The following LAMA2 variants were observed in gnomAD, a reference collection of about 807,000 sequenced individuals.
LAMA2 encodes the protein laminin subunit alpha 2.
Under a neutral mutation model 364.8 loss-of-function variants are expected in LAMA2, and 269 were observed. The observed-to-expected ratio is 0.74, with a 90% confidence interval of 0.67 to 0.82. LAMA2 has a LOEUF of 0.82. LAMA2 is among the 40% of genes least tolerant of loss of function. LAMA2 has a pLI of 0.00. For synonymous variants in LAMA2, 1,379 were observed against 1,370.6 expected (o/e 1.01, Z -0.14); for missense variants, 3,807 against 3,873.2 (o/e 0.98, Z 0.45).
At chr6:129,139,053 C>T (rs1415785162) in intron 4 of LAMA2, among the ~76,000 whole-genome samples, 1 of 152,056 alleles carries the variant, frequency 6.6e-6, no homozygotes, top group Non-Finnish European at 1.5e-5. Context: ...CTGGACATTT[C>T]ATTTAGTAAT....
chr6:129,456,117 T>G (rs1476347106), intron 47 of LAMA2, among the ~76,000 whole-genome samples: 1 of 152,148 alleles, frequency 6.6e-6, no homozygotes, highest in Non-Finnish European at 1.5e-5. Flanking sequence ...TGGTTCTGGT[T>G]GAAACTGATG....
chr6:128,993,609 G>T (rs118108588), intron 1 of LAMA2, among the ~76,000 whole-genome samples: 175 of 152,232 alleles, frequency 1.1e-3, no homozygotes, highest in African/African-American at 3.7e-3. Context: ...ATGGTTGACA[G>T]TCGTGGTATA....
At chr6:129,319,691 C>G (rs995924602) in intron 27 of LAMA2, among the ~76,000 whole-genome samples, 3 of 152,138 alleles carry the variant, frequency 2.0e-5, no homozygotes, top group Non-Finnish European at 2.9e-5. Context: ...CCACATATAA[C>G]TTTTGATACC....
At chr6:129,103,787 G>A (rs1775661397) in intron 4 of LAMA2, among the ~76,000 whole-genome samples, 1 of 151,790 alleles carries the variant, frequency 6.6e-6, no homozygotes, top group Non-Finnish European at 1.5e-5. Flanking sequence ...CTATTAATAG[G>A]TAGATTTTTA....
At chr6:128,938,543 G>T (rs1486922687) in intron 1 of LAMA2, among the ~76,000 whole-genome samples, 1 of 152,070 alleles carries the variant, frequency 6.6e-6, no homozygotes, top group African/African-American at 2.4e-5. Flanking sequence ...CTAGCACAAG[G>T]ACCTGAACTT....
intron 1 of LAMA2, among the ~76,000 whole-genome samples, chr6:129,040,722 T>C (rs1213029215): frequency 6.6e-6 from 1 of 152,234 alleles, no homozygotes; most frequent in Non-Finnish European, 1.5e-5. Context: ...AGAAGAAGGC[T>C]ACTTGTCTTT....
chr6:129,271,147 A>AT (rs1386452365), intron 17 of LAMA2, among the ~76,000 whole-genome samples: 7 of 152,186 alleles, frequency 4.6e-5, no homozygotes, highest in East Asian at 3.9e-4. Context: ...CCCATACACT[A>AT]TTTTTTTGTG....
chr6:129,515,838 A>AATT (rs1405917467), intron 64 of LAMA2, among the ~76,000 whole-genome samples: 2 of 152,122 alleles, frequency 1.3e-5, no homozygotes, highest in Non-Finnish European at 2.9e-5. Flanking sequence ...AACACTTTGG[A>AATT]ATTACACTTT....
intron 3 of LAMA2, among the ~76,000 whole-genome samples, chr6:129,067,526 A>T (rs1179241277): frequency 1.3e-5 from 2 of 152,146 alleles, no homozygotes; most frequent in Non-Finnish European, 2.9e-5. Context: ...CAGCAATCTC[A>T]TTAGTACAGA....
intron 3 of LAMA2, among the ~76,000 whole-genome samples, chr6:129,076,492 T>A (rs199916215): frequency 9.9e-4 from 7 of 7,106 alleles, no homozygotes; most frequent in Admixed American, 2.6e-3. Context: ...TCTTATATAT[T>A]ATATATAAAT....
chr6:129,101,553 C>A (rs1330514460), intron 4 of LAMA2, among the ~76,000 whole-genome samples: 1 of 152,136 alleles, frequency 6.6e-6, no homozygotes, highest in African/African-American at 2.4e-5. Context: ...TGCTTCAGAT[C>A]TTCACTGCCC....
At position 128,950,138 on chromosome 6, in the gene LAMA2, T is replaced by C. The variant is rs563960087; in HGVS notation, c.112+66781T>C. Among the ~76,000 whole-genome samples the C allele has an allele frequency of 8.5e-5, 13 of 152,300 alleles. No homozygotes were observed. In the East Asian group the frequency reaches 2.5e-3, roughly 29 times the overall value. ...GTAGCCAGATGCAATGGTTACTGACTTCGAGTGGCATCTTTTTGAAACAGA... is the reference window on the plus strand; with the variant it reads ...GTAGCCAGATGCAATGGTTACTGACCTCGAGTGGCATCTTTTTGAAACAGA... On this transcript the variant is annotated intron_variant, in intron 1 of 64. Transcript: ENST00000421865.
At chr6:129,472,077 T>C (rs1783839723) in intron 51 of LAMA2, among the ~76,000 whole-genome samples, 1 of 151,956 alleles carries the variant, frequency 6.6e-6, no homozygotes, top group Non-Finnish European at 1.5e-5. Flanking sequence ...TGTCCTTCTC[T>C]AGGAACATTG....
In LAMA2 at chr6:129,284,971, C is replaced by T. The variant is rs371974847; in HGVS notation, c.2538-2876C>T. On this transcript the variant is annotated intron_variant, in intron 18 of 64. Transcript: ENST00000421865. Reference sequence around the variant, plus strand: ...ATCCGTTTCTAGCAAGGCATTCATTCGATAAACTATTTTTAAAAATGCACT... The same window carrying T: ...ATCCGTTTCTAGCAAGGCATTCATTTGATAAACTATTTTTAAAAATGCACT... Among the ~76,000 whole-genome samples, 391 of 152,164 alleles carry T rather than the reference C, an allele frequency of 2.6e-3. 1 individual carries two copies. In the Middle Eastern group the frequency reaches 0.027, roughly 11 times the overall value.
chr6:129,007,820 CTG>C (rs1323127508), intron 1 of LAMA2, among the ~76,000 whole-genome samples: 1 of 152,162 alleles, frequency 6.6e-6, no homozygotes, highest in South Asian at 2.1e-4. Flanking sequence ...CAGGAACACA[CTG>C]TATTGTCAGT....
intron 34 of LAMA2, among the ~76,000 whole-genome samples, chr6:129,382,614 A>G (rs1172969019): frequency 6.6e-6 from 1 of 152,204 alleles, no homozygotes; most frequent in Non-Finnish European, 1.5e-5. Context: ...GGCATTTACT[A>G]CTGAGTAGCT....
intron 1 of LAMA2, among the ~76,000 whole-genome samples, chr6:128,922,855 T>G (rs1159874122): frequency 7.2e-5 from 11 of 152,054 alleles, no homozygotes; most frequent in East Asian, 1.9e-4. Flanking sequence ...TAACGTTTAA[T>G]TCTTTAATCC....
chr6:129,362,264 C>G (rs1370445967), intron 32 of LAMA2, among the ~76,000 whole-genome samples: 3 of 152,186 alleles, frequency 2.0e-5, no homozygotes, highest in Admixed American at 2.0e-4. Context: ...ATCGGACAGT[C>G]TCTGCCTCTG....
chr6:129,174,910 G>GT (rs1238650029), intron 9 of LAMA2, among the ~76,000 whole-genome samples: 1 of 152,022 alleles, frequency 6.6e-6, no homozygotes, highest in Non-Finnish European at 1.5e-5. Flanking sequence ...AACAGGAGGG[G>GT]TTTTTTGGAC....
Sources: gnomAD v4.1 joint callset for allele counts (sites outside exome capture counted in the v4.1 genomes callset) on GRCh38, gnomAD v4.1.1 for gene constraint, MANE v1.5 for transcripts, NCBI Gene and HGNC (gene_info 2026-07-23, HGNC 2026-07-21) for gene names.